The following CDKAL1 variants were observed in gnomAD, a reference collection of about 807,000 sequenced individuals.
CDKAL1 encodes the protein CDKAL1 threonylcarbamoyladenosine tRNA methylthiotransferase.
A neutral mutation model predicts 68.2 loss-of-function variants in CDKAL1; 32 were observed. The ratio of observed to expected loss-of-function variants is 0.47; its 90% CI spans 0.35 to 0.63. CDKAL1 has a LOEUF of 0.63. CDKAL1 is among the 30% of genes least tolerant of loss of function. The pLI is 0.00. For missense variants in CDKAL1, 606 were observed against 696.7 expected, an observed-to-expected ratio of 0.87 and a Z score of 1.47; for synonymous variants, 234 against 244.3, an observed-to-expected ratio of 0.96 and a Z score of 0.39.
intron 5 of CDKAL1, among the ~76,000 whole-genome samples, chr6:20,650,570 T>A (rs1250925949): frequency 6.6e-6 from 1 of 152,236 alleles, no homozygotes; most frequent in African/African-American, 2.4e-5. Context: ...AGATTCCATT[T>A]GTCAATTTTT....
chr6:21,085,894 A>T (rs962292268), intron 12 of CDKAL1, among the ~76,000 whole-genome samples: 4 of 152,200 alleles, frequency 2.6e-5, no homozygotes, highest in African/African-American at 2.4e-5. Flanking sequence ...GAAAGGCTGC[A>T]GGCAGGAATT....
intron 5 of CDKAL1, among the ~76,000 whole-genome samples, chr6:20,650,224 CTGT>C (rs1768691392): frequency 6.6e-6 from 1 of 152,126 alleles, no homozygotes; most frequent in African/African-American, 2.4e-5. Flanking sequence ...TCGCCAGCAT[CTGT>C]TGTTTGTTGA....
intron 12 of CDKAL1, among the ~76,000 whole-genome samples, chr6:21,072,804 T>G (rs1440457047): frequency 6.6e-6 from 1 of 152,018 alleles, no homozygotes; most frequent in African/African-American, 2.4e-5. Context: ...CCCAGTACAT[T>G]TGTTACAATC....
At chr6:20,985,483 TG>T (rs1766404485) in intron 10 of CDKAL1, among the ~76,000 whole-genome samples, 1 of 152,036 alleles carries the variant, frequency 6.6e-6, no homozygotes, top group South Asian at 2.1e-4. Flanking sequence ...TTAGTAGAGA[TG>T]GGGTTTCACT....
At chr6:21,083,385 C>G (rs11751563) in intron 12 of CDKAL1, among the ~76,000 whole-genome samples, 3 of 151,858 alleles carry the variant, frequency 2.0e-5, no homozygotes, top group African/African-American at 7.3e-5. Flanking sequence ...ACCTGTATAA[C>G]CCTTAGTGAG....
chr6:21,175,182 A>G (rs568678814), intron 13 of CDKAL1, among the ~76,000 whole-genome samples: 89 of 152,334 alleles, frequency 5.8e-4, no homozygotes, highest in Non-Finnish European at 1.2e-3. Context: ...TGACTCCAAG[A>G]TATGGCAGAG....
At chr6:21,210,357 C>T (rs1357523158) in intron 15 of CDKAL1, among the ~76,000 whole-genome samples, 2 of 152,094 alleles carry the variant, frequency 1.3e-5, no homozygotes, top group African/African-American at 2.4e-5. Flanking sequence ...GTCATGAGGG[C>T]GGAGCCTTCA....
intron 11 of CDKAL1, among the ~76,000 whole-genome samples, chr6:21,048,159 C>T (rs1308335336): frequency 6.6e-6 from 1 of 152,240 alleles, no homozygotes; most frequent in Non-Finnish European, 1.5e-5. Flanking sequence ...GTTTCTGTTG[C>T]AACTGTCACA....
At chr6:20,818,091 G>C (rs917079248) in intron 8 of CDKAL1, among the ~76,000 whole-genome samples, 1 of 152,134 alleles carries the variant, frequency 6.6e-6, no homozygotes, top group Non-Finnish European at 1.5e-5. Context: ...CTCCTCAAGC[G>C]AGTGAATCAT....
chr6:20,940,173 A>T (rs1257941054), intron 9 of CDKAL1, among the ~76,000 whole-genome samples: 1 of 152,202 alleles, frequency 6.6e-6, no homozygotes, highest in African/African-American at 2.4e-5. Context: ...TAACTATGTA[A>T]TATAATGTTT....
At chr6:21,183,139 T>A (rs1394050496) in intron 13 of CDKAL1, among the ~76,000 whole-genome samples, 1 of 110,840 alleles carries the variant, frequency 9.0e-6, no homozygotes, top group African/African-American at 2.8e-5. Flanking sequence ...TGCTCTAGGT[T>A]TTTTTTTTTT....
Position 21,173,153 on chromosome 6 carries a change from A to G in CDKAL1, c.1300-24868A>G, listed in dbSNP as rs558344602. Among the ~76,000 whole-genome samples the G allele has an allele frequency of 1.2e-3, 185 of 150,274 alleles. 1 individual carries two copies. The highest frequency in any genetic ancestry group is 4.3e-3 in the African/African-American group (176 of 40,900). ...CCTTCTTTCCTCCTGCATCCCCCCC[A>G]CACACCCAAAAATACTCTTGGATGA... On this transcript the variant is annotated intron_variant, in intron 13 of 15. Coordinates refer to ENST00000274695, the MANE Select transcript of CDKAL1 (RefSeq NM_017774.3).
At chr6:20,972,565 A>G (rs1374109546) in intron 10 of CDKAL1, among the ~76,000 whole-genome samples, 1 of 152,200 alleles carries the variant, frequency 6.6e-6, no homozygotes, top group Admixed American at 6.5e-5. Context: ...TTGCTCTTCC[A>G]CCAGCCTAGC....
intron 8 of CDKAL1, among the ~76,000 whole-genome samples, chr6:20,810,367 GTCTC>G (rs5874785): frequency 0.013 from 1,728 of 136,326 alleles, 44 homozygotes; most frequent in African/African-American, 0.04. Flanking sequence ...CATAGTGAGA[GTCTC>G]TCTCTCTCTC....
At chr6:20,763,633 A>C (rs1450777836) in intron 7 of CDKAL1, among the ~76,000 whole-genome samples, 8 of 152,194 alleles carry the variant, frequency 5.3e-5, no homozygotes, top group Non-Finnish European at 1.5e-5. Flanking sequence ...GGCTTTAGAC[A>C]TACAGCCTCT....
At chr6:20,741,940 G>A (rs1773477004) in intron 6 of CDKAL1, among the ~76,000 whole-genome samples, 1 of 152,068 alleles carries the variant, frequency 6.6e-6, no homozygotes, top group South Asian at 2.1e-4. Flanking sequence ...GCATGTAAGT[G>A]TTCCCTTTTC....
At chr6:20,966,887 G>C (rs1287111099) in intron 10 of CDKAL1, among the ~76,000 whole-genome samples, 5 of 152,074 alleles carry the variant, frequency 3.3e-5, no homozygotes, top group Non-Finnish European at 4.4e-5. Flanking sequence ...TACCTCAGCA[G>C]ACTCTTTTTA....
At chr6:21,184,272 G>A (rs563997239) in intron 13 of CDKAL1, among the ~76,000 whole-genome samples, 1 of 149,266 alleles carries the variant, frequency 6.7e-6, no homozygotes, top group East Asian at 2.0e-4. Context: ...TCGGCTTACT[G>A]CAATCTCTAC....
rs537184557 is a variant in CDKAL1, at chr6:21,074,589, C to G, written c.1236+9361C>G. Reference sequence around the variant, plus strand: ...ATGCAGAAACTTTGGTAAAAAGAAGCAAAAATGGTGAAACTTGAGAGATCT... The same window carrying G: ...ATGCAGAAACTTTGGTAAAAAGAAGGAAAAATGGTGAAACTTGAGAGATCT... On this transcript the variant is annotated intron_variant, in intron 12 of 15. Coordinates refer to ENST00000274695, the MANE Select transcript of CDKAL1 (RefSeq NM_017774.3). 2.2e-4 allele frequency among the ~76,000 whole-genome samples: 34 copies of G among 151,998 alleles called. 2 individuals carry two copies. The highest frequency in any genetic ancestry group is 8.2e-4 in the African/African-American group (34 of 41,482).
Sources: allele counts gnomAD v4.1 joint callset (sites outside exome capture counted in the v4.1 genomes callset), GRCh38; gene constraint gnomAD v4.1.1; transcripts MANE v1.5; gene names NCBI Gene and HGNC (gene_info 2026-07-23, HGNC 2026-07-21).